Variants in SGSM1 observed in about 807,000 individuals in gnomAD.
The protein encoded by SGSM1 is RUN and TBC1 domain containing 2.
A neutral mutation model predicts 133.8 loss-of-function variants in SGSM1; 73 were observed. The observed-to-expected ratio is 0.55, with a 90% CI of 0.45 to 0.66. The LOEUF (loss-of-function observed/expected upper bound fraction) is 0.66. Ranked by LOEUF, SGSM1 falls within the 30% of genes least tolerant of loss-of-function variation. The pLI, the probability that SGSM1 is intolerant of heterozygous loss-of-function variation, is 0.00. For missense variants in SGSM1, 1,213 were observed against 1,448.1 expected (o/e 0.84, Z 2.64); for synonymous variants, 563 against 573.0 (o/e 0.98, Z 0.25).
chr22:24,847,137 A>G (rs1930194307), intron 3 of SGSM1, among the ~76,000 whole-genome samples: 1 of 152,178 alleles, frequency 6.6e-6, no homozygotes, highest in East Asian at 1.9e-4. Flanking sequence ...TGCTGGGATT[A>G]CAGACGTGAG....
rs767665554 is a variant in SGSM1 at position 24,898,447 on chromosome 22, A to G, written c.2498A>G (p.Asn833Ser). 6.2e-7 allele frequency: 1 copy of G among 1,613,056 alleles called. No homozygotes were observed. Among genetic ancestry groups the G allele is most frequent in the South Asian group, 1.1e-5 (1 of 91,014 alleles). The part of the protein sequence containing the change: ...EKHGQADSED[N>S]LSEEPEMESL... ...CATGGCCAGGCGGACAGTGAGGACA[A>G]CCTCTCGGAGGAGCCTGAGATGGAA... Residue 833 changes from asparagine (N) to serine (S), a missense_variant, in exon 19 of 25, where the codon AAC becomes AGC. Physicochemically the swap from Asn to Ser is conservative, Grantham distance 46 (BLOSUM62 1). Transcript: ENST00000400358.
intron 20 of SGSM1, among the ~76,000 whole-genome samples, chr22:24,902,260 T>C (rs531550788): frequency 6.6e-5 from 10 of 152,342 alleles, no homozygotes; most frequent in African/African-American, 2.4e-4. Flanking sequence ...GCCTCATTGC[T>C]GAGTGGGCAT....
At chr22:24,923,623 T>G (rs957509124) in intron 24 of SGSM1, among the ~76,000 whole-genome samples, 10 of 151,740 alleles carry the variant, frequency 6.6e-5, no homozygotes, top group Non-Finnish European at 1.5e-4. Context: ...TTTTCATTTT[T>G]ATTTTTATTT....
At chr22:24,895,115 A>T in intron 17 of SGSM1, 108 bp from the exon 18 acceptor site, 2 of 1,056,240 alleles carry the variant, frequency 1.9e-6, no homozygotes, top group Non-Finnish European at 1.4e-6. Context: ...TGTGCAAGTT[A>T]GGAATAGAGA....
intron 9 of SGSM1, among the ~76,000 whole-genome samples, chr22:24,865,881 G>A (rs1223035847): frequency 6.6e-6 from 1 of 152,176 alleles, no homozygotes; most frequent in African/African-American, 2.4e-5. Flanking sequence ...TGTTAGAGGA[G>A]TTCCTTGTCT....
At chr22:24,907,417 C>T (rs902471865) in intron 21 of SGSM1, among the ~76,000 whole-genome samples, 1 of 152,004 alleles carries the variant, frequency 6.6e-6, no homozygotes, top group Non-Finnish European at 1.5e-5. Context: ...GGAAAGATAT[C>T]TCATATTCAT....
chr22:24,913,680 T>C (rs527865363), intron 22 of SGSM1, among the ~76,000 whole-genome samples: 55 of 152,102 alleles, frequency 3.6e-4, no homozygotes, highest in Non-Finnish European at 6.8e-4. Context: ...AAAAGAGTAA[T>C]ATAATGAACA....
rs1483771265 is a variant in SGSM1 at position 24,905,207 on chromosome 22, C to A, written c.2818+20C>A. The stretch of plus-strand genomic sequence containing the variant: ...ATGATGGTGAGTGTGTCTTTACTGC[C>A]CTAGGGCTGAGGGTGCATTTCCTTT... On this transcript the variant is annotated intron_variant, in intron 21 of 24. Transcript: ENST00000400358. 3 of 1,609,940 alleles carry A rather than the reference C, an allele frequency of 1.9e-6. No homozygotes were observed. The highest frequency in any genetic ancestry group is 2.6e-6 in the Non-Finnish European group (3 of 1,176,200).
intron 8 of SGSM1, among the ~76,000 whole-genome samples, chr22:24,858,415 G>C (rs547682205): frequency 6.6e-6 from 1 of 152,218 alleles, no homozygotes. Context: ...AGGAGTTTGA[G>C]ACTAGCCTGG....
intron 22 of SGSM1, 23 bp from the exon 23 acceptor site, chr22:24,917,635 T>C: frequency 6.3e-7 from 1 of 1,599,254 alleles, no homozygotes; most frequent in South Asian, 1.1e-5. Context: ...AGGAGGCTGA[T>C]GCTGCCTTTC....
At chr22:24,920,797 T>G (rs1310437343) in intron 24 of SGSM1, among the ~76,000 whole-genome samples, 7 of 152,346 alleles carry the variant, frequency 4.6e-5, no homozygotes, top group Non-Finnish European at 1.5e-5. Context: ...AATTGTAGAT[T>G]GAGAACTGTT....
At chr22:24,884,409 CAT>C (rs1932495455) in intron 15 of SGSM1, among the ~76,000 whole-genome samples, 1 of 152,180 alleles carries the variant, frequency 6.6e-6, no homozygotes, top group African/African-American at 2.4e-5. Flanking sequence ...GGAGGTAAAA[CAT>C]ATGCTCACCT....
chr22:24,898,694 T>G, intron 19 of SGSM1, 135 bp downstream of exon 19: 1 of 863,648 alleles, frequency 1.2e-6, no homozygotes, highest in South Asian at 1.8e-5. Flanking sequence ...CATGGAGGAT[T>G]CACTGTAGAA....
chr22:24,887,631 G>A (rs980641775), intron 16 of SGSM1, among the ~76,000 whole-genome samples: 12 of 152,098 alleles, frequency 7.9e-5, no homozygotes, highest in Admixed American at 5.2e-4. Flanking sequence ...TATAGTAGTC[G>A]CATGTTCAGT....
intron 2 of SGSM1, among the ~76,000 whole-genome samples, chr22:24,834,233 G>A (rs1169059506): frequency 6.6e-6 from 1 of 152,226 alleles, no homozygotes; most frequent in Non-Finnish European, 1.5e-5. Flanking sequence ...AGCTGTCCCC[G>A]ACTGCAGACC....
intron 2 of SGSM1, among the ~76,000 whole-genome samples, chr22:24,841,044 G>GT (rs1238190415): frequency 1.3e-5 from 2 of 151,928 alleles, no homozygotes; most frequent in Non-Finnish European, 2.9e-5. Flanking sequence ...TAGAGACGGG[G>GT]TTTCACCGTG....
At chr22:24,862,265 T>C (rs1931200087) in intron 9 of SGSM1, among the ~76,000 whole-genome samples, 1 of 150,994 alleles carries the variant, frequency 6.6e-6, no homozygotes, top group South Asian at 2.1e-4. Flanking sequence ...GAGTCTAGAG[T>C]TTCTAATCAG....
intron 2 of SGSM1, chr22:24,844,611 G>C: frequency 2.4e-6 from 1 of 418,800 alleles, no homozygotes; most frequent in Non-Finnish European, 4.4e-6. Flanking sequence ...GCCTTAGACA[G>C]TGTGGTCAGG....
At chr22:24,904,505 A>G (rs1933298089) in intron 20 of SGSM1, among the ~76,000 whole-genome samples, 1 of 147,904 alleles carries the variant, frequency 6.8e-6, no homozygotes, top group Admixed American at 6.9e-5. Context: ...TCGTGAACCC[A>G]GGGGGCGGAG....
Sources: allele counts gnomAD v4.1 joint callset (sites outside exome capture counted in the v4.1 genomes callset), GRCh38; gene constraint gnomAD v4.1.1; transcripts MANE v1.5; gene names NCBI Gene and HGNC (gene_info 2026-07-23, HGNC 2026-07-21).